Variants in OR14A2 observed in about 807,000 individuals in gnomAD.
OR14A2 encodes the protein olfactory receptor family 14 subfamily A member 2.
For synonymous variants in OR14A2, 114 were observed against 58.6 expected (o/e 1.95, Z -4.32); for missense variants, 237 against 152.9 (o/e 1.55, Z -2.90).
chr1:247,734,423 A>C, the OR14A2 span, among the ~76,000 whole-genome samples: 1 of 152,196 alleles, frequency 6.6e-6, no homozygotes, highest in Non-Finnish European at 1.5e-5. Context: ...TTGTCATGGC[A>C]GCCTAAACAA....
upstream of OR14A2, among the ~76,000 whole-genome samples, chr1:247,724,365 T>A (rs1179199772): frequency 1.3e-5 from 2 of 152,160 alleles, no homozygotes; most frequent in Non-Finnish European, 2.9e-5. Flanking sequence ...TCCAACCCAC[T>A]GAGAATTTGC....
At chr1:247,747,439 G>A in the OR14A2 span, among the ~76,000 whole-genome samples, 1 of 148,874 alleles carries the variant, frequency 6.7e-6, no homozygotes, top group Non-Finnish European at 1.5e-5. Context: ...TCAGCTCACT[G>A]CAAGCTCTGC....
the OR14A2 span, chr1:247,739,594 G>C: frequency 1.4e-6 from 1 of 735,094 alleles, no homozygotes; most frequent in Non-Finnish European, 2.5e-6. Context: ...TTTTTTTGTT[G>C]TTGTTGTTCT....
At chr1:247,740,221 C>G in the OR14A2 span, among the ~76,000 whole-genome samples, 1 of 152,140 alleles carries the variant, frequency 6.6e-6, no homozygotes, top group African/African-American at 2.4e-5. Context: ...TTCCAGCATT[C>G]TCTTCAGTTA....
At chr1:247,738,401 G>A in the OR14A2 span, among the ~76,000 whole-genome samples, 1 of 152,138 alleles carries the variant, frequency 6.6e-6, no homozygotes, top group African/African-American at 2.4e-5. Context: ...ATAAATCTTA[G>A]TCCAGGACTA....
chr1:247,741,726 G>T, the OR14A2 span, among the ~76,000 whole-genome samples: 2 of 152,156 alleles, frequency 1.3e-5, no homozygotes, highest in Non-Finnish European at 2.9e-5. Context: ...GCTGTAAATT[G>T]TCTTGAATCT....
chr1:247,738,052 T>C, the OR14A2 span, among the ~76,000 whole-genome samples: 1 of 152,174 alleles, frequency 6.6e-6, no homozygotes, highest in East Asian at 1.9e-4. Flanking sequence ...AAAAAAATGA[T>C]ACTATAATCA....
the OR14A2 span, chr1:247,738,472 T>C: frequency 3.3e-6 from 2 of 601,620 alleles, no homozygotes; most frequent in African/African-American, 3.7e-5. Context: ...GAAATATAAA[T>C]TGCTTGATAT....
chr1:247,724,081 A>G, upstream of OR14A2: 1 of 652,696 alleles, frequency 1.5e-6, no homozygotes. Flanking sequence ...GTGAGAAAAT[A>G]TGCAAAAAAA....
chr1:247,739,171 C>G, the OR14A2 span: 2 of 780,900 alleles, frequency 2.6e-6, no homozygotes, highest in South Asian at 2.7e-5. Context: ...CTAAAGCTCA[C>G]TTGTTCTAAA....
chr1:247,724,185 C>T (rs568232871), upstream of OR14A2: 6 of 525,318 alleles, frequency 1.1e-5, no homozygotes, highest in Non-Finnish European at 2.0e-5. Context: ...GAGTCATGTA[C>T]CTACCTAAAA....
At chr1:247,734,582 T>C in the OR14A2 span, among the ~76,000 whole-genome samples, 1 of 152,216 alleles carries the variant, frequency 6.6e-6, no homozygotes, top group East Asian at 1.9e-4. Flanking sequence ...ATACCATCTT[T>C]ATTGCTCAAA....
the OR14A2 span, chr1:247,738,827 C>T: frequency 1.3e-6 from 1 of 780,784 alleles, no homozygotes; most frequent in Non-Finnish European, 2.4e-6. Context: ...ACCTGTGTCT[C>T]ATTTCTGCCA....
At chr1:247,743,967 A>G in the OR14A2 span, among the ~76,000 whole-genome samples, 1 of 152,158 alleles carries the variant, frequency 6.6e-6, no homozygotes, top group Non-Finnish European at 1.5e-5. Flanking sequence ...TCAATTATCT[A>G]CCTGTAATTA....
At chr1:247,730,305 C>T in the OR14A2 span, among the ~76,000 whole-genome samples, 2 of 151,956 alleles carry the variant, frequency 1.3e-5, no homozygotes, top group African/African-American at 4.8e-5. Context: ...GCAAAAAAAC[C>T]TCACATGTTT....
chr1:247,747,264 A>C, the OR14A2 span, among the ~76,000 whole-genome samples: 5 of 152,206 alleles, frequency 3.3e-5, no homozygotes, highest in Non-Finnish European at 7.3e-5. Flanking sequence ...AGCCAGGGTG[A>C]ATCAGCCTAT....
the OR14A2 span, chr1:247,746,551 C>A: frequency 6.6e-6 from 1 of 152,310 alleles, no homozygotes; most frequent in Non-Finnish European, 1.5e-5. Context: ...GACATTCTAG[C>A]ATAGAAGCCT....
At chr1:247,740,899 C>T in the OR14A2 span, among the ~76,000 whole-genome samples, 1 of 152,180 alleles carries the variant, frequency 6.6e-6, no homozygotes, top group African/African-American at 2.4e-5. Context: ...TGAGACTGAG[C>T]ATCTTTTTGT....
chr1:247,724,990 A>G (rs543348545), upstream of OR14A2, among the ~76,000 whole-genome samples: 5 of 152,066 alleles, frequency 3.3e-5, no homozygotes, highest in Admixed American at 6.6e-5. Context: ...CATATATATC[A>G]GACATCAAAC....
Sources: allele counts gnomAD v4.1 joint callset (sites outside exome capture counted in the v4.1 genomes callset), GRCh38; gene constraint gnomAD v4.1.1; transcripts MANE v1.5; gene names NCBI Gene and HGNC (gene_info 2026-07-23, HGNC 2026-07-21).